The following SGCZ variants were observed in gnomAD, a reference collection of about 807,000 sequenced individuals.
SGCZ encodes sarcoglycan zeta, also known as zeta-sarcoglycan.
SGCZ carries 40 observed loss-of-function variants against 41.3 expected under a neutral mutation model. That is an observed-to-expected ratio of 0.97 (90% CI 0.75 to 1.26). The LOEUF is 1.26. Ranked by LOEUF, SGCZ falls within the 50% of genes most tolerant of loss-of-function variation. The pLI is 0.00. For synonymous variants in SGCZ, 206 were observed against 137.5 expected (o/e 1.50, Z -3.49); for missense variants, 552 against 369.8 (o/e 1.49, Z -4.04).
intron 4 of SGCZ, among the ~76,000 whole-genome samples, chr8:14,220,243 G>A (rs938137455): frequency 2.6e-5 from 4 of 152,136 alleles, no homozygotes; most frequent in Admixed American, 2.6e-4. Flanking sequence ...ATAAATTGTA[G>A]TGTATTTATG....
rs7004148 is a variant in SGCZ, at chr8:14,087,524, C to T, written c.*2919G>A. On this transcript the variant is annotated 3_prime_UTR_variant, in exon 8 of 8. Coordinates refer to ENST00000382080, the MANE Select transcript of SGCZ (RefSeq NM_139167.4). ...CACTGAGTATGAAGTTATTAAGATA[C>T]GGGTAATAAGATAGCTTAGTCGCAT... Among the ~76,000 whole-genome samples, 95,042 of 151,104 alleles carry T rather than the reference C, an allele frequency of 0.63. 31,284 individuals carry two copies. Among genetic ancestry groups the T allele is most frequent in the Middle Eastern group, 0.74 (217 of 292 alleles).
chr8:14,687,466 A>T (rs1480834193), intron 1 of SGCZ, among the ~76,000 whole-genome samples: 202 of 151,380 alleles, frequency 1.3e-3, no homozygotes, highest in African/African-American at 4.7e-3. Flanking sequence ...GTCCTTGCGA[A>T]AGTTTACTGA....
intron 1 of SGCZ, among the ~76,000 whole-genome samples, chr8:14,643,220 T>G (rs1807085185): frequency 6.6e-6 from 1 of 151,570 alleles, no homozygotes; most frequent in Admixed American, 6.6e-5. Flanking sequence ...GGAAGTCAAC[T>G]CCACCTTTGA....
In SGCZ at chr8:15,000,636, G is replaced by C. The variant is rs149766059; in HGVS notation, c.39+236949C>G. Among the ~76,000 whole-genome samples the C allele has an allele frequency of 2.0e-5, 3 of 152,248 alleles. No homozygotes were observed. The East Asian group carries it at 5.8e-4, about 29-fold the overall frequency. On this transcript the variant is annotated intron_variant, in intron 1 of 7. Transcript: ENST00000382080. ...AGCCACGTGTACAGCAAAGAACAGA[G>C]GAGATGGCACCGCTCAACTGGAAAG...
chr8:14,353,333 C>A (rs2117110146), intron 2 of SGCZ, among the ~76,000 whole-genome samples: 1 of 152,152 alleles, frequency 6.6e-6, no homozygotes, highest in South Asian at 2.1e-4. Context: ...CTGATTCTTT[C>A]CTTGGCCCTC....
intron 1 of SGCZ, among the ~76,000 whole-genome samples, chr8:14,926,462 C>G (rs1301695353): frequency 1.3e-5 from 2 of 151,966 alleles, no homozygotes; most frequent in African/African-American, 4.8e-5. Context: ...CAAACATGCA[C>G]ATTTATCACG....
intron 1 of SGCZ, among the ~76,000 whole-genome samples, chr8:15,230,970 G>C (rs976121404): frequency 2.0e-5 from 3 of 152,172 alleles, no homozygotes; most frequent in African/African-American, 7.2e-5. Flanking sequence ...GGCAGAGCCA[G>C]GGTTTGAACA....
chr8:15,143,665 C>T (rs1347638775), intron 1 of SGCZ, among the ~76,000 whole-genome samples: 1 of 152,160 alleles, frequency 6.6e-6, no homozygotes, highest in East Asian at 1.9e-4. Context: ...AGAATTAACC[C>T]ATCTCCTTGG....
chr8:14,946,054 A>ATG (rs1800435675), intron 1 of SGCZ, among the ~76,000 whole-genome samples: 2 of 90,988 alleles, frequency 2.2e-5, no homozygotes, highest in African/African-American at 8.6e-5. Flanking sequence ...ATATATATAT[A>ATG]TGAATCATTC....
At chr8:15,074,198 C>T (rs890394394) in intron 1 of SGCZ, among the ~76,000 whole-genome samples, 1 of 152,128 alleles carries the variant, frequency 6.6e-6, no homozygotes, top group African/African-American at 2.4e-5. Flanking sequence ...TCTCCCCCTT[C>T]TCATAACATA....
At chr8:15,174,420 A>G (rs1261097869) in intron 1 of SGCZ, among the ~76,000 whole-genome samples, 1 of 152,200 alleles carries the variant, frequency 6.6e-6, no homozygotes, top group African/African-American at 2.4e-5. Flanking sequence ...ATAAAACAGA[A>G]CCCCAGAACT....
intron 1 of SGCZ, among the ~76,000 whole-genome samples, chr8:15,109,119 T>C (rs990750159): frequency 6.6e-6 from 1 of 152,094 alleles, no homozygotes; most frequent in African/African-American, 2.4e-5. Flanking sequence ...CACACACTCA[T>C]AATAGAGACC....
chr8:14,450,813 A>T (rs1389418308), intron 2 of SGCZ, among the ~76,000 whole-genome samples: 2 of 152,220 alleles, frequency 1.3e-5, no homozygotes, highest in Non-Finnish European at 2.9e-5. Context: ...CACTAAGGAC[A>T]GAATTACCTG....
intron 1 of SGCZ, among the ~76,000 whole-genome samples, chr8:14,992,098 T>A (rs1384314747): frequency 6.8e-6 from 1 of 147,040 alleles, no homozygotes; most frequent in African/African-American, 2.5e-5. Context: ...CCTCATCCAA[T>A]CTACTCCCAA....
At chr8:14,185,259 C>G (rs757451698) in intron 4 of SGCZ, among the ~76,000 whole-genome samples, 1 of 152,024 alleles carries the variant, frequency 6.6e-6, no homozygotes, top group Non-Finnish European at 1.5e-5. Context: ...AAAAAATTAG[C>G]TGCACATGGT....
chr8:14,896,948 A>AT (rs1051091951), intron 1 of SGCZ, among the ~76,000 whole-genome samples: 4 of 151,160 alleles, frequency 2.6e-5, no homozygotes, highest in African/African-American at 9.8e-5. Flanking sequence ...GGCCCAACTA[A>AT]TTTTTTTGGT....
At chr8:14,337,198 A>G (rs1802534760) in intron 2 of SGCZ, among the ~76,000 whole-genome samples, 2 of 151,848 alleles carry the variant, frequency 1.3e-5, no homozygotes, top group African/African-American at 4.8e-5. Context: ...GCCTTCCACA[A>G]AAAAGTCTGC....
intron 1 of SGCZ, among the ~76,000 whole-genome samples, chr8:15,008,692 G>A (rs1802703593): frequency 1.1e-5 from 1 of 88,536 alleles, no homozygotes; most frequent in South Asian, 6.4e-4. Flanking sequence ...AGAGAGGGGA[G>A]GGGAGAGGAG....
chr8:14,435,808 C>T (rs1417435673), intron 2 of SGCZ, among the ~76,000 whole-genome samples: 1 of 152,160 alleles, frequency 6.6e-6, no homozygotes, highest in Non-Finnish European at 1.5e-5. Flanking sequence ...ACACAATACT[C>T]AATCATCGTA....
Sources: allele counts gnomAD v4.1 joint callset (sites outside exome capture counted in the v4.1 genomes callset), GRCh38; gene constraint gnomAD v4.1.1; transcripts MANE v1.5; gene names NCBI Gene and HGNC (gene_info 2026-07-23, HGNC 2026-07-21).